Variants in ZNF266 observed in about 807,000 individuals in gnomAD.
ZNF266 encodes the protein zinc finger protein 266.
A neutral mutation model predicts 16.4 loss-of-function variants in ZNF266; 16 were observed. The ratio of observed to expected loss-of-function variants is 0.98; its 90% confidence interval spans 0.66 to 1.48. ZNF266 has a LOEUF of 1.48. Among genes scored for constraint, ZNF266 ranks in the 40% most tolerant of loss-of-function variants. The probability of loss-of-function intolerance (pLI) is 0.00; values close to 1 mark genes in which losing one functional copy is unlikely to be tolerated. For synonymous variants in ZNF266, 262 were observed against 237.9 expected (o/e 1.10, Z -0.93); for missense variants, 738 against 689.1 (o/e 1.07, Z -0.79).
intron 5 of ZNF266, among the ~76,000 whole-genome samples, chr19:9,428,878 A>G (rs2071176003): frequency 6.7e-6 from 1 of 149,396 alleles, no homozygotes; most frequent in Non-Finnish European, 1.5e-5. Flanking sequence ...ACCTACATAT[A>G]TATTTCACTT....
At position 9,434,801 on chromosome 19, in the gene ZNF266, A is replaced by G. The variant is rs1026771083; in HGVS notation, c.-413T>C. On this transcript the variant is annotated 5_prime_UTR_variant, in exon 3 of 11. Transcript: ENST00000592904. The stretch of plus-strand genomic sequence containing the variant: ...ACGCCTGCAATGTTCAACTTACTTC[A>G]AAGCCTCCATTCCTTCTTCCTAAAA... The G allele has an allele frequency of 6.7e-6, 1 of 149,006 alleles. No individual in the cohort carries two copies. The allele number at this position is 149,006 out of a possible 1,614,324, so 9.2% of individuals were successfully genotyped here.
intron 5 of ZNF266, among the ~76,000 whole-genome samples, chr19:9,421,824 T>C (rs2069934477): frequency 6.6e-6 from 1 of 151,818 alleles, no homozygotes; most frequent in African/African-American, 2.4e-5. Context: ...CACATTGAAC[T>C]TTCCTATTTT....
rs117694411 is a variant in ZNF266, at chr19:9,418,682, G to A, written c.109-51C>T. ...TGAGCCACAAAACATGTCTACCAGT[G>A]TTCACTGCAAAATGCAATACCTACA... On this transcript the variant is annotated intron_variant, in intron 7 of 10. Coordinates refer to ENST00000592904, the MANE Select transcript of ZNF266 (RefSeq NM_001370374.1). 1.2e-3 allele frequency: 1,153 copies of A among 933,336 alleles called. 15 individuals carry two copies. The East Asian group carries it at 0.026, about 21-fold the overall frequency. 57.8% of individuals were successfully genotyped at this position (933,336 alleles called of 1,614,324 possible).
At chr19:9,415,165 C>T (rs750462044) in intron 10 of ZNF266, among the ~76,000 whole-genome samples, 4 of 152,244 alleles carry the variant, frequency 2.6e-5, no homozygotes, top group Non-Finnish European at 4.4e-5. Context: ...CATGGTGGCA[C>T]GTGCCTGTAC....
chr19:9,430,314 G>T (rs1386446267), intron 5 of ZNF266, among the ~76,000 whole-genome samples: 2 of 152,022 alleles, frequency 1.3e-5, no homozygotes, highest in African/African-American at 2.4e-5. Context: ...TCTTTGTCCA[G>T]GGCTCAGACT....
Position 9,424,104 on chromosome 19 carries a change from T to C in ZNF266, c.-129-3886A>G, listed in dbSNP as rs544304682. On this transcript the variant is annotated intron_variant, in intron 5 of 10. Coordinates refer to ENST00000592904, the MANE Select transcript of ZNF266 (RefSeq NM_001370374.1). ...CAGAGCACTGCTGGTCTGGAGATCT[T>C]CTTAGACCCTAGAGGAAAATGCCCC... Among the ~76,000 whole-genome samples the C allele has an allele frequency of 7.9e-5, 12 of 152,124 alleles. No individual in the cohort carries two copies. In the South Asian group the frequency reaches 1.9e-3, roughly 24 times the overall value.
chr19:9,431,780 C>A (rs1488170953), intron 5 of ZNF266, among the ~76,000 whole-genome samples: 2 of 152,218 alleles, frequency 1.3e-5, no homozygotes, highest in African/African-American at 4.8e-5. Context: ...GGGCTACAGC[C>A]ACACTGTGGC....
Position 9,413,037 on chromosome 19 carries a change from T to C in ZNF266, c.*238A>G. 1 of 536,446 alleles carries C rather than the reference T, an allele frequency of 1.9e-6. No homozygotes were observed. The allele number at this position is 536,446 out of a possible 1,614,324, so 33.2% of individuals were successfully genotyped here. On this transcript the variant is annotated 3_prime_UTR_variant, in exon 11 of 11. Transcript: ENST00000592904. ...TTCAGAAAGGTATTCCCAGATTCTC[T>C]ACATTCATACAGTTTCTCTCCAGTG...
intron 5 of ZNF266, among the ~76,000 whole-genome samples, chr19:9,430,539 A>G (rs943366601): frequency 6.6e-6 from 1 of 152,166 alleles, no homozygotes; most frequent in African/African-American, 2.4e-5. Flanking sequence ...TTACTAAATC[A>G]TCAGCTCATA....
chr19:9,420,768 A>T (rs2069743938), intron 5 of ZNF266: 1 of 152,146 alleles, frequency 6.6e-6, no homozygotes, highest in Non-Finnish European at 1.5e-5. Context: ...GGAAAAAAAA[A>T]AAAAGAAAAA....
chr19:9,421,331 C>T, intron 5 of ZNF266, among the ~76,000 whole-genome samples: 1 of 152,128 alleles, frequency 6.6e-6, no homozygotes, highest in East Asian at 1.9e-4. Flanking sequence ...AACTGGGGAT[C>T]CTTAGGCTGA....
chr19:9,429,524 T>A (rs1309102480), intron 5 of ZNF266, among the ~76,000 whole-genome samples: 1 of 152,018 alleles, frequency 6.6e-6, no homozygotes. Context: ...CTAGACGACC[T>A]TGTCCTAGCC....
At chr19:9,431,794 A>G (rs149973018) in intron 5 of ZNF266, among the ~76,000 whole-genome samples, 41 of 152,236 alleles carry the variant, frequency 2.7e-4, no homozygotes, top group African/African-American at 9.9e-4. Flanking sequence ...CTGTGGCCAA[A>G]TACTGTAATA....
Position 9,417,813 on chromosome 19 carries a change from T to C in ZNF266, c.316+15A>G, listed in dbSNP as rs41405044. Reference sequence around the variant, plus strand: ...CTGAACTTATTGACCAGGGCGGTCCTTTGTGAACACTCACCTTGGAAATCA... The same window carrying C: ...CTGAACTTATTGACCAGGGCGGTCCCTTGTGAACACTCACCTTGGAAATCA... On this transcript the variant is annotated intron_variant, in intron 9 of 10. Transcript: ENST00000592904. 6,644 of 1,612,470 alleles carry C rather than the reference T, an allele frequency of 4.1e-3. 220 individuals are homozygous for C. The African/African-American group carries it at 0.077, about 19-fold the overall frequency.
At chr19:9,414,798 C>A in intron 10 of ZNF266, 78 bp from the exon 11 acceptor site, 2 of 1,395,318 alleles carry the variant, frequency 1.4e-6, no homozygotes, top group Non-Finnish European at 1.9e-6. Flanking sequence ...AAGAGAGGAA[C>A]ACTGTGATGA....
chr19:9,413,473 C>T lies in ZNF266; in HGVS notation c.1653G>A (p.Arg551=). The change falls in exon 11 of 11, where the codon CGG becomes CGA. Residue 551 remains arginine (R), a synonymous_variant. Transcript: ENST00000592904. ...KFPTCVNLHM[R]IHTGEKPYKC... The stretch of plus-strand genomic sequence containing the variant: ...TGTAGGGTTTTTCTCCAGTGTGGAT[C>T]CGCATGTGAAGGTTAACACACGTGG... 1.2e-6 allele frequency: 2 copies of T among 1,612,688 alleles called. No individual in the cohort carries two copies. Among genetic ancestry groups the T allele is most frequent in the Non-Finnish European group, 8.5e-7 (1 of 1,179,080 alleles).
intron 8 of ZNF266, among the ~76,000 whole-genome samples, 186 bp from the exon 9 acceptor site, chr19:9,418,094 G>A (rs1394132708): frequency 6.6e-6 from 1 of 152,164 alleles, no homozygotes; most frequent in East Asian, 1.9e-4. Context: ...CCCAAATCCA[G>A]GCTGATGTAC....
intron 3 of ZNF266, 107 bp downstream of exon 3, chr19:9,434,691 T>C (rs776619500): frequency 3.9e-5 from 6 of 152,174 alleles, no homozygotes; most frequent in Non-Finnish European, 7.3e-5. Flanking sequence ...ATTTTAAATT[T>C]TCTGGGGTAA....
rs2068872359 is a variant in ZNF266 at position 9,415,695 on chromosome 19, G to A, written c.364C>T (p.Gln122Ter). ...QLKTKELALQ[Q>*]DVLGEPTSSG... is the part of the protein sequence containing the mutation. ...GAGGTTGGCTCCCCCAAAACATCCT[G>A]CTGAAGGGCTAACTCTTTGGTTTTA... is the stretch of plus-strand genomic sequence containing the variant. Residue 122 changes from glutamine (Q) to a stop codon, truncating the protein, a stop_gained, in exon 10 of 11, where the codon CAG becomes TAG. Coordinates refer to ENST00000592904, the MANE Select transcript of ZNF266 (RefSeq NM_001370374.1). LOFTEE classifies it low-confidence loss of function (END_TRUNC). 2.5e-6 allele frequency: 4 copies of A among 1,613,380 alleles called. No homozygotes were observed. The highest frequency in any genetic ancestry group is 3.4e-6 in the Non-Finnish European group (4 of 1,179,470).
Sources: gnomAD v4.1 joint callset for allele counts (sites outside exome capture counted in the v4.1 genomes callset) on GRCh38, gnomAD v4.1.1 for gene constraint, MANE v1.5 for transcripts, NCBI Gene and HGNC (gene_info 2026-07-23, HGNC 2026-07-21) for gene names.